COPB1: variants seen among roughly 807,000 people sequenced by gnomAD.
The protein encoded by COPB1 is coat protein complex I subunit beta 1, also known as coatomer subunit beta.
In COPB1, 21 loss-of-function variants were observed where a neutral mutation model predicts 108.7. The ratio of observed to expected loss-of-function variants is 0.19; its 90% CI spans 0.14 to 0.28. COPB1 has a LOEUF of 0.28. Among genes scored for constraint, COPB1 ranks in the 10% least tolerant of loss-of-function variants. The probability of loss-of-function intolerance (pLI) is 1.00; values close to 1 mark genes in which losing one functional copy is unlikely to be tolerated. For synonymous variants in COPB1, 378 were observed against 386.8 expected, an observed-to-expected ratio of 0.98 and a Z score of 0.27; for missense variants, 919 against 1,141.3, an observed-to-expected ratio of 0.81 and a Z score of 2.81.
intron 2 of COPB1, among the ~76,000 whole-genome samples, chr11:14,497,062 C>T (rs1851037629): frequency 6.6e-6 from 1 of 152,158 alleles, no homozygotes; most frequent in Admixed American, 6.5e-5. Context: ...AGGCTTAAAT[C>T]TAAGACTTTA....
At chr11:14,480,203 G>T (rs2134113823) in intron 10 of COPB1, among the ~76,000 whole-genome samples, 1 of 152,232 alleles carries the variant, frequency 6.6e-6, no homozygotes, top group East Asian at 1.9e-4. Flanking sequence ...CATTTTATGT[G>T]CAGCAAAATT....
At chr11:14,461,368 G>A in intron 18 of COPB1, 37 bp from the exon 19 acceptor site, 2 of 1,598,574 alleles carry the variant, frequency 1.3e-6, no homozygotes, top group East Asian at 2.2e-5. Context: ...GCAATCACTG[G>A]GGCAAACTTG....
intron 20 of COPB1, 69 bp from the exon 21 acceptor site, chr11:14,458,756 T>G: frequency 3.1e-6 from 4 of 1,279,136 alleles, no homozygotes; most frequent in Non-Finnish European, 4.2e-6. Context: ...CCAAACAGCA[T>G]AGGTGACTTT....
rs755229687 is a variant in COPB1, at chr11:14,464,975, G to A, written c.2346C>T (p.Phe782=). 1.4e-5 allele frequency: 22 copies of A among 1,612,710 alleles called. No individual in the cohort carries two copies. The highest frequency in any genetic ancestry group is 2.2e-5 in the East Asian group (1 of 44,800). The change falls in exon 18 of 22, where the codon TTC becomes TTT. Residue 782 remains phenylalanine (F), a synonymous_variant. Transcript: ENST00000439561. ...CTTTGACGTTAGCTTTAATATTTGC[G>A]AAGTCATGAGGAGCAAGAGTCAAAG... ...PSPLTLAPHD[F]ANIKANVKVA...
chr11:14,475,675 AT>A, intron 13 of COPB1, 109 bp downstream of exon 13: 2 of 1,163,208 alleles, frequency 1.7e-6, no homozygotes, highest in Non-Finnish European at 2.3e-6. Context: ...AATGGCAAAG[AT>A]TTTCATTTTG....
In COPB1 at chr11:14,488,530, C is replaced by G. The variant is rs1850824984; in HGVS notation, c.661G>C (p.Asp221His). 53 of 1,608,362 alleles carry G rather than the reference C, an allele frequency of 3.3e-5. No individual in the cohort carries two copies. The highest frequency in any genetic ancestry group is 4.5e-5 in the Non-Finnish European group (53 of 1,176,576). The change falls in exon 6 of 22, where the codon GAC (aspartate) becomes CAC (histidine). Residue 221 changes from aspartate to histidine, a missense_variant. Physicochemically the swap from Asp to His is moderately conservative, Grantham distance 81. Around this residue, in one of 5 missense-constraint regions of COPB1, gnomAD observed 22 missense variants for 61.0 expected, o/e 0.36. Transcript: ENST00000439561. ...TCAACAATAACCAGCTGCAGAATGT[C>G]TCCAAATGTTTGAACTTGATCAATG... ...TCIDQVQTFG[D>H]ILQLVIVELI...
At chr11:14,483,218 C>T (rs975460137) in intron 7 of COPB1, 67 bp from the exon 8 acceptor site, 61 of 1,031,994 alleles carry the variant, frequency 5.9e-5, no homozygotes, top group Admixed American at 1.9e-4. Flanking sequence ...AATAAGCATG[C>T]GCGCGCACAC....
chr11:14,461,137 CA>C, intron 19 of COPB1, 48 bp downstream of exon 19: 1 of 1,611,172 alleles, frequency 6.2e-7, no homozygotes, highest in Non-Finnish European at 8.5e-7. Context: ...CAACAGCAGG[CA>C]AAAGGAAGAA....
intron 17 of COPB1, 32 bp from the exon 18 acceptor site, chr11:14,465,062 TACACAC>T (rs3835110): frequency 0.14 from 150,116 of 1,105,312 alleles, 11,355 homozygotes; most frequent in East Asian, 0.24. Flanking sequence ...TGGTTAAAAA[TACACAC>T]ACACACACAC....
chr11:14,494,592 A>G (rs1850976599), intron 2 of COPB1, 153 bp from the exon 3 acceptor site: 5 of 570,054 alleles, frequency 8.8e-6, no homozygotes, highest in Non-Finnish European at 1.5e-5. Flanking sequence ...AAGGTTCTCC[A>G]CCTGGTTCTC....
At chr11:14,488,756 G>C (rs924105948) in intron 5 of COPB1, among the ~76,000 whole-genome samples, 172 bp from the exon 6 acceptor site, 2 of 152,148 alleles carry the variant, frequency 1.3e-5, no homozygotes, top group South Asian at 4.2e-4. Context: ...TAAAATATAA[G>C]ACATAAAGTT....
rs1185510640 is a variant in COPB1, at chr11:14,458,407, T to C, written c.2802+125A>G. 3.4e-6 allele frequency: 3 copies of C among 890,948 alleles called. No homozygotes were observed. In the East Asian group the frequency reaches 8.7e-5, roughly 26 times the overall value. 55.2% of individuals were successfully genotyped at this position (890,948 alleles called of 1,614,324 possible). On this transcript the variant is annotated intron_variant, in intron 21 of 21. Transcript: ENST00000439561. ...AAAAGTTATACTTCTATTCAGAGTA[T>C]ATTATTATTGTATGTGTATATGCAT...
chr11:14,468,531 C>T lies in COPB1; in HGVS notation c.2145+150G>A, dbSNP rs116064461. On this transcript the variant is annotated intron_variant, in intron 16 of 21. Transcript: ENST00000439561. ...TACTATCACATATAGTAGTAAGGTA[C>T]TTCATCAGCTTCTGAGTTTCAACTG... is the stretch of plus-strand genomic sequence containing the variant. 516 of 671,648 alleles carry T rather than the reference C, an allele frequency of 7.7e-4. 4 individuals carry two copies. In the African/African-American group the frequency reaches 8.6e-3, roughly 11 times the overall value. 41.6% of individuals were successfully genotyped at this position (671,648 alleles called of 1,614,324 possible).
chr11:14,493,548 C>T, intron 4 of COPB1, 94 bp downstream of exon 4: 1 of 1,009,498 alleles, frequency 9.9e-7, no homozygotes, highest in Non-Finnish European at 1.4e-6. Flanking sequence ...TATCTTCAAG[C>T]TATATTCAGT....
intron 13 of COPB1, among the ~76,000 whole-genome samples, chr11:14,475,036 G>T (rs1850489465): frequency 7.2e-6 from 1 of 139,796 alleles, no homozygotes; most frequent in South Asian, 2.3e-4. Context: ...ACAGGTTGCA[G>T]TGAGCCATGA....
chr11:14,475,012 C>T (rs1346682386), intron 13 of COPB1, among the ~76,000 whole-genome samples: 1 of 144,418 alleles, frequency 6.9e-6, no homozygotes, highest in Admixed American at 7.3e-5. Flanking sequence ...AGGAGAACTG[C>T]TTGAGCCCAG....
chr11:14,490,735 G>T, intron 4 of COPB1, 56 bp from the exon 5 acceptor site: 1 of 918,510 alleles, frequency 1.1e-6, no homozygotes, highest in Non-Finnish European at 1.7e-6. Flanking sequence ...TACTATTTTA[G>T]TAACTCTCTG....
chr11:14,470,944 A>ACACACACACACACACACACACACT (rs1285522756), intron 14 of COPB1, among the ~76,000 whole-genome samples: 12 of 90,204 alleles, frequency 1.3e-4, no homozygotes, highest in African/African-American at 6.3e-4. Context: ...ACACACACAC[A>ACACACACACACACACACACACACT]CTCTCTCTCT....
At chr11:14,475,046 A>G (rs776740950) in intron 13 of COPB1, among the ~76,000 whole-genome samples, 2 of 135,386 alleles carry the variant, frequency 1.5e-5, no homozygotes, top group Non-Finnish European at 3.1e-5. Context: ...GTGAGCCATG[A>G]TCGCGCCACT....
Sources: allele counts gnomAD v4.1 joint callset (sites outside exome capture counted in the v4.1 genomes callset), GRCh38; gene constraint gnomAD v4.1.1; regional missense constraint gnomAD v4.1.1; transcripts MANE v1.5; gene names NCBI Gene and HGNC (gene_info 2026-07-23, HGNC 2026-07-21).